Variants in BEND3 observed in about 807,000 individuals in gnomAD.
BEND3 encodes BEN domain containing 3.
A neutral mutation model predicts 60.1 loss-of-function variants in BEND3; 13 were observed. That is an observed-to-expected ratio of 0.22 (90% CI 0.14 to 0.34). BEND3 has a LOEUF of 0.34. BEND3 is among the 10% of genes least tolerant of loss of function. The pLI is 1.00. For missense variants in BEND3, 896 were observed against 1,138.1 expected (o/e 0.79, Z 3.06); for synonymous variants, 497 against 491.5 (o/e 1.01, Z -0.15).
At chr6:107,074,314 C>T (rs1775053945) in intron 3 of BEND3, among the ~76,000 whole-genome samples, 1 of 152,122 alleles carries the variant, frequency 6.6e-6, no homozygotes, top group African/African-American at 2.4e-5. Context: ...ACTCGGGAGG[C>T]TGAGGCAGGA....
At chr6:107,087,988 G>GTA (rs1450028927) in intron 3 of BEND3, among the ~76,000 whole-genome samples, 1 of 138,982 alleles carries the variant, frequency 7.2e-6, no homozygotes, top group Non-Finnish European at 1.5e-5. Context: ...AAAAAACACT[G>GTA]TAATAGAAAT....
chr6:107,110,686 G>A (rs1207476934), intron 1 of BEND3, among the ~76,000 whole-genome samples: 2 of 151,884 alleles, frequency 1.3e-5, no homozygotes, highest in Non-Finnish European at 2.9e-5. Context: ...TCAGCCTCCC[G>A]AGTAGCTGGG....
chr6:107,065,276 T>C lies in BEND3; in HGVS notation c.*3428A>G, dbSNP rs1774803457. The C allele has an allele frequency of 6.6e-6, 1 of 152,626 alleles. No homozygotes were observed. The highest frequency in any genetic ancestry group is 1.5e-5 in the Non-Finnish European group (1 of 68,030). 9.5% of individuals were successfully genotyped at this position (152,626 alleles called of 1,614,324 possible). On this transcript the variant is annotated 3_prime_UTR_variant, in exon 4 of 4. Coordinates refer to ENST00000369042, the MANE Select transcript of BEND3 (RefSeq NM_001367314.1). ...CTAGAGAGCATACAATTTCCAAAAA[T>C]GTCCTGGGTTTTTGTTACATTCAGT...
intron 3 of BEND3, among the ~76,000 whole-genome samples, chr6:107,088,085 A>G: frequency 6.8e-6 from 1 of 147,760 alleles, no homozygotes; most frequent in East Asian, 2.0e-4. Flanking sequence ...ATCTTGGCTC[A>G]CTGCAGCCTC....
At chr6:107,098,857 C>A in intron 2 of BEND3, 104 bp from the exon 3 acceptor site, 1 of 887,672 alleles carries the variant, frequency 1.1e-6, no homozygotes, top group Admixed American at 2.2e-5. Flanking sequence ...CCTTTGACAC[C>A]AGTGCTGAGA....
chr6:107,073,201 GTATATATATATATATA>G (rs782669876), intron 3 of BEND3, among the ~76,000 whole-genome samples: 227 of 22,496 alleles, frequency 0.01, 2 homozygotes, highest in South Asian at 0.015. Flanking sequence ...GTATGTGTAT[GTATATATATATATATA>G]TATATATATA....
intron 3 of BEND3, among the ~76,000 whole-genome samples, chr6:107,090,127 T>C (rs1554234934): frequency 6.6e-6 from 1 of 151,832 alleles, no homozygotes; most frequent in Non-Finnish European, 1.5e-5. Flanking sequence ...GGCAGACAGA[T>C]TGCTTGAGGT....
At chr6:107,109,309 TG>T (rs1285883160) in intron 1 of BEND3, among the ~76,000 whole-genome samples, 1 of 150,772 alleles carries the variant, frequency 6.6e-6, no homozygotes, top group Non-Finnish European at 1.5e-5. Flanking sequence ...CTGGGTATGG[TG>T]GCACGGGCCT....
chr6:107,084,246 A>G (rs1341154835), intron 3 of BEND3, among the ~76,000 whole-genome samples: 2 of 152,220 alleles, frequency 1.3e-5, no homozygotes, highest in African/African-American at 4.8e-5. Context: ...CAACTGAGGA[A>G]TTGCTGGAGA....
intron 3 of BEND3, among the ~76,000 whole-genome samples, chr6:107,081,066 C>G (rs1324190893): frequency 6.6e-6 from 1 of 152,014 alleles, no homozygotes; most frequent in East Asian, 1.9e-4. Flanking sequence ...GTGATCCTCC[C>G]ACCTCAGTTT....
intron 1 of BEND3, among the ~76,000 whole-genome samples, chr6:107,111,784 C>T (rs1019605322): frequency 1.3e-5 from 2 of 151,970 alleles, no homozygotes; most frequent in Non-Finnish European, 2.9e-5. Flanking sequence ...GAGTTCAAGA[C>T]CAACCTGGCC....
rs1033167159 is a variant in BEND3 at position 107,077,183 on chromosome 6, C to A, written c.241-6233G>T. Among the ~76,000 whole-genome samples the A allele has an allele frequency of 2.6e-5, 4 of 152,176 alleles. No individual in the cohort carries two copies. The East Asian group carries it at 5.8e-4, about 22-fold the overall frequency. On this transcript the variant is annotated intron_variant, in intron 3 of 3. Transcript: ENST00000369042. ...AAATGTGCTCACCATGTTGTCCAGG[C>A]TGGCCTCGAACTCTTGAGCTCCAGT...
rs185608817 is a variant in BEND3, at chr6:107,102,012, T to C, written c.-11-2716A>G. Among the ~76,000 whole-genome samples, 441 of 152,058 alleles carry C rather than the reference T, an allele frequency of 2.9e-3. 1 individual carries two copies. The highest frequency in any genetic ancestry group is 0.01 in the African/African-American group (426 of 41,472). On this transcript the variant is annotated intron_variant, in intron 1 of 3. Transcript: ENST00000369042. ...AAGGCAGAGAGGGAGGAGACAGCGG[T>C]TGGTTTATTTGGGGAGGAAAAGGGT...
intron 3 of BEND3, among the ~76,000 whole-genome samples, chr6:107,093,003 T>C (rs1187810049): frequency 6.6e-6 from 1 of 152,160 alleles, no homozygotes; most frequent in Non-Finnish European, 1.5e-5. Context: ...TGGAGAGACA[T>C]TCCATGCTCA....
chr6:107,092,059 C>T (rs1211643069), intron 3 of BEND3, among the ~76,000 whole-genome samples: 1 of 151,998 alleles, frequency 6.6e-6, no homozygotes, highest in Non-Finnish European at 1.5e-5. Flanking sequence ...GAGTTGGGGA[C>T]CAGCCTGGGC....
chr6:107,082,489 T>C (rs1321570765), intron 3 of BEND3, among the ~76,000 whole-genome samples: 1 of 152,176 alleles, frequency 6.6e-6, no homozygotes, highest in Admixed American at 6.5e-5. Context: ...GGCTGGAGTG[T>C]AGTGGTGTGA....
In BEND3 at chr6:107,068,725, T is replaced by C. The variant is rs1774885056; in HGVS notation, c.2466A>G (p.Lys822=). The stretch of plus-strand genomic sequence containing the variant: ...GCCTTCACTTCTCCACTTTCTTTGC[T>C]TTCTTGAGGATGTCGCATTTTTTCC... ...PNRKKCDILK[K]AKKVEK is the part of the protein sequence containing the mutation. Residue 822 remains lysine (K), a synonymous_variant, in exon 4 of 4, where the codon AAA becomes AAG. Coordinates refer to ENST00000369042, the MANE Select transcript of BEND3 (RefSeq NM_001367314.1). The surrounding 1 kb of genome is among the most constrained non-coding windows in gnomAD (Gnocchi z 5.8). 2.5e-6 allele frequency: 4 copies of C among 1,613,480 alleles called. No individual in the cohort carries two copies. Among genetic ancestry groups the C allele is most frequent in the Non-Finnish European group, 3.4e-6 (4 of 1,179,940 alleles).
At chr6:107,104,529 T>C (rs188253679) in intron 1 of BEND3, among the ~76,000 whole-genome samples, 6 of 152,190 alleles carry the variant, frequency 3.9e-5, no homozygotes, top group Admixed American at 6.5e-5. Context: ...AAAAATAGCA[T>C]AATATTTGCA....
At chr6:107,080,877 C>T (rs1259234491) in intron 3 of BEND3, among the ~76,000 whole-genome samples, 1 of 151,550 alleles carries the variant, frequency 6.6e-6, no homozygotes, top group Non-Finnish European at 1.5e-5. Context: ...GAGAGAGATT[C>T]CATCTCAAAA....
Sources: gnomAD v4.1 joint callset for allele counts (sites outside exome capture counted in the v4.1 genomes callset) on GRCh38, gnomAD v4.1.1 for gene constraint, Gnocchi (gnomAD v3.1) non-coding constraint, MANE v1.5 for transcripts, NCBI Gene and HGNC (gene_info 2026-07-23, HGNC 2026-07-21) for gene names.